Variants in CDKL4 observed in about 807,000 individuals in gnomAD.
The protein encoded by CDKL4 is cyclin dependent kinase like 4.
A neutral mutation model predicts 42.0 loss-of-function variants in CDKL4; 44 were observed. The ratio of observed to expected loss-of-function variants is 1.05; its 90% CI spans 0.82 to 1.35. CDKL4 has a LOEUF of 1.35. Ranked by LOEUF, CDKL4 falls within the 40% of genes most tolerant of loss-of-function variation. CDKL4 has a pLI of 0.00. For missense variants in CDKL4, 393 were observed against 369.9 expected, an observed-to-expected ratio of 1.06 and a Z score of -0.51; for synonymous variants, 120 against 121.6, an observed-to-expected ratio of 0.99 and a Z score of 0.09.
chr2:39,244,122 A>C (rs1679804200), upstream of CDKL4, among the ~76,000 whole-genome samples: 1 of 152,210 alleles, frequency 6.6e-6, no homozygotes, highest in Admixed American at 6.5e-5. Flanking sequence ...GGCAGTCCTC[A>C]CAGCCCTCGC....
At chr2:39,216,346 G>A (rs568776861) in intron 3 of CDKL4, among the ~76,000 whole-genome samples, 2 of 152,310 alleles carry the variant, frequency 1.3e-5, no homozygotes, top group South Asian at 4.2e-4. Flanking sequence ...GAGGTGTGGG[G>A]AAAGCAGTAT....
At chr2:39,203,703 T>A (rs1172069388) in intron 5 of CDKL4, among the ~76,000 whole-genome samples, 1 of 152,236 alleles carries the variant, frequency 6.6e-6, no homozygotes, top group Non-Finnish European at 1.5e-5. Context: ...TTCATGATAC[T>A]GATGCACCAT....
At chr2:39,229,831 G>T (rs184858730) in intron 1 of CDKL4, among the ~76,000 whole-genome samples, 13 of 152,250 alleles carry the variant, frequency 8.5e-5, no homozygotes, top group African/African-American at 3.1e-4. Flanking sequence ...TGAACTAAAA[G>T]AATTTGTGGA....
intron 1 of CDKL4, among the ~76,000 whole-genome samples, chr2:39,242,868 C>A (rs1274495738): frequency 6.6e-6 from 1 of 151,816 alleles, no homozygotes; most frequent in Admixed American, 6.6e-5. Context: ...GAGGTTGAGG[C>A]GGGTGGAGCA....
At chr2:39,203,766 C>G (rs1357422069) in intron 5 of CDKL4, among the ~76,000 whole-genome samples, 2 of 152,170 alleles carry the variant, frequency 1.3e-5, no homozygotes, top group Non-Finnish European at 2.9e-5. Context: ...TTGTCTATTT[C>G]TCTTTTCAGC....
intron 4 of CDKL4, among the ~76,000 whole-genome samples, chr2:39,209,876 AT>A (rs1005131388): frequency 2.8e-4 from 42 of 152,278 alleles, no homozygotes; most frequent in African/African-American, 9.9e-4. Flanking sequence ...TATGGCTTAG[AT>A]TTTTTTCTTT....
At chr2:39,198,479 A>G (rs550978049) in intron 5 of CDKL4, among the ~76,000 whole-genome samples, 1 of 152,286 alleles carries the variant, frequency 6.6e-6, no homozygotes, top group South Asian at 2.1e-4. Context: ...ACTATATCCT[A>G]CAACAAATGG....
At chr2:39,172,906 T>C (rs1159853861), downstream of CDKL4, among the ~76,000 whole-genome samples, 1 of 152,188 alleles carries the variant, frequency 6.6e-6, no homozygotes, top group African/African-American at 2.4e-5. Context: ...CATGGTAATA[T>C]GACTATATTA....
intron 3 of CDKL4, among the ~76,000 whole-genome samples, chr2:39,221,001 G>GTTTTTTTTTTTTTTTT (rs1678311355): frequency 1.3e-5 from 1 of 78,804 alleles, no homozygotes; most frequent in Non-Finnish European, 2.3e-5. Flanking sequence ...TTTTTTTTTT[G>GTTTTTTTTTTTTTTTT]TTTTTTTTTT....
At chr2:39,205,759 C>CAAAAAAAAAAAAAA (rs1167041058) in intron 4 of CDKL4, among the ~76,000 whole-genome samples, 2 of 78,664 alleles carry the variant, frequency 2.5e-5, no homozygotes, top group African/African-American at 4.7e-5. Flanking sequence ...GACTCCGTCT[C>CAAAAAAAAAAAAAA]AAAAAAAAAA....
exon 9 of CDKL4, chr2:39,179,319 C>G (rs1319936672): frequency 6.3e-7 from 1 of 1,593,344 alleles, no homozygotes; most frequent in Non-Finnish European, 8.5e-7. Context: ...TCTTCAGACA[C>G]CCCTTTGGAG....
rs180817290 is a variant in CDKL4, at chr2:39,234,128, C to A, written c.-56-4540G>T. 3.3e-5 allele frequency among the ~76,000 whole-genome samples: 5 copies of A among 151,574 alleles called. 1 individual carries two copies. In the East Asian group the frequency reaches 9.7e-4, roughly 29 times the overall value. Reference sequence around the variant, plus strand: ...TGGGGTTTCACTGTGTTAGCCAGGACGGTCTCGATCTCCTGACCTCATGAT... The same window carrying A: ...TGGGGTTTCACTGTGTTAGCCAGGAAGGTCTCGATCTCCTGACCTCATGAT... On this transcript the variant is annotated intron_variant, in intron 1 of 9. Coordinates refer to ENST00000451199, the Ensembl canonical transcript of CDKL4.
intron 5 of CDKL4, among the ~76,000 whole-genome samples, chr2:39,197,716 G>T (rs1454624943): frequency 6.6e-6 from 1 of 152,134 alleles, no homozygotes; most frequent in Admixed American, 6.6e-5. Flanking sequence ...TATCAGCCAA[G>T]AATTTTGTAT....
exon 10 of CDKL4, chr2:39,175,953 T>C (rs749774184): frequency 2.2e-6 from 1 of 457,538 alleles, no homozygotes; most frequent in South Asian, 1.6e-5. Context: ...TTGTACAAAA[T>C]GTGTACATAT....
At chr2:39,208,271 T>C (rs1470817630) in intron 4 of CDKL4, among the ~76,000 whole-genome samples, 1 of 152,126 alleles carries the variant, frequency 6.6e-6, no homozygotes, top group African/African-American at 2.4e-5. Context: ...AATCAGCTTA[T>C]TTTCCCTCGA....
At chr2:39,204,441 T>C (rs1677043802) in intron 5 of CDKL4, 86 bp downstream of exon 5, 1 of 797,150 alleles carries the variant, frequency 1.3e-6, no homozygotes, top group Non-Finnish European at 2.2e-6. Flanking sequence ...ATATTTGGCA[T>C]ATGTCCAATA....
chr2:39,219,001 T>G (rs1164227345), intron 3 of CDKL4, among the ~76,000 whole-genome samples: 1 of 152,190 alleles, frequency 6.6e-6, no homozygotes, highest in East Asian at 1.9e-4. Context: ...TGTGCTTTAT[T>G]TTTCTTCAAA....
At chr2:39,182,341 A>G (rs888220669) in intron 8 of CDKL4, among the ~76,000 whole-genome samples, 1 of 152,170 alleles carries the variant, frequency 6.6e-6, no homozygotes, top group African/African-American at 2.4e-5. Flanking sequence ...CTAGTCCATC[A>G]CTAAATACCT....
At chr2:39,175,718 TATAG>T (rs1193999024) in exon 10 of CDKL4, 1 of 192,356 alleles carries the variant, frequency 5.2e-6, no homozygotes, top group African/African-American at 2.4e-5. Flanking sequence ...AAATTCTCCA[TATAG>T]ATAGCCTCGG....
Sources: gnomAD v4.1 joint callset for allele counts (sites outside exome capture counted in the v4.1 genomes callset) on GRCh38, gnomAD v4.1.1 for gene constraint, MANE v1.5 for transcripts, NCBI Gene and HGNC (gene_info 2026-07-23, HGNC 2026-07-21) for gene names.